FBXW8: variants seen among roughly 807,000 people sequenced by gnomAD.
FBXW8 encodes F-box and WD repeat domain containing 8.
FBXW8 carries 57 observed loss-of-function variants against 65.3 expected under a neutral mutation model. The ratio of observed to expected loss-of-function variants is 0.87; its 90% CI spans 0.71 to 1.09. The LOEUF (loss-of-function observed/expected upper bound fraction) is 1.09, where lower values mean the gene tolerates loss of function less well. FBXW8 is among the 50% of genes least tolerant of loss of function. The pLI is 0.00. For synonymous variants in FBXW8, 308 were observed against 330.2 expected (o/e 0.93, Z 0.73); for missense variants, 777 against 814.8 (o/e 0.95, Z 0.57).
intron 7 of FBXW8, among the ~76,000 whole-genome samples, chr12:116,997,417 G>A (rs1353445109): frequency 1.3e-5 from 2 of 152,220 alleles, no homozygotes; most frequent in African/African-American, 4.8e-5. Context: ...GTCACCACTG[G>A]AGACTGAGCA....
At chr12:117,013,695 A>G (rs1953878987) in intron 8 of FBXW8, among the ~76,000 whole-genome samples, 1 of 152,206 alleles carries the variant, frequency 6.6e-6, no homozygotes, top group African/African-American at 2.4e-5. Context: ...TTTAAAAGTT[A>G]CACAAAGTAA....
rs368889689 is a variant in FBXW8, at chr12:116,988,749, C to T, written c.1119C>T (p.Ala373=). The part of the protein sequence containing the change: ...AAGDLMYLLK[A]EDSARTLLYA... ...GAGATCTGATGTACCTGCTCAAAGC[C>T]GAAGACTCCGCCAGAACCCTCCTTT... Residue 373 remains alanine, a synonymous_variant, in exon 7 of 11, where the codon GCC becomes GCT. Coordinates refer to ENST00000652555, the MANE Select transcript of FBXW8 (RefSeq NM_153348.3). The T allele has an allele frequency of 5.0e-6, 8 of 1,614,022 alleles. No individual in the cohort carries two copies. The highest frequency in any genetic ancestry group is 1.6e-4 in the Middle Eastern group (1 of 6,084).
chr12:116,917,440 G>C (rs1880516691), intron 1 of FBXW8, among the ~76,000 whole-genome samples: 1 of 152,086 alleles, frequency 6.6e-6, no homozygotes, highest in Admixed American at 6.6e-5. Context: ...ATAAAATCTG[G>C]TACTACCTTC....
At chr12:116,994,288 G>C (rs1264366425) in intron 7 of FBXW8, among the ~76,000 whole-genome samples, 1 of 152,214 alleles carries the variant, frequency 6.6e-6, no homozygotes, top group African/African-American at 2.4e-5. Context: ...TAGATACGCA[G>C]ACCAATGGAA....
rs534547116 is a variant in FBXW8, at chr12:117,011,240, G to A, written c.1367+790G>A. ...CGCCCCCTCCCCTGGGCCCGGCCCC[G>A]GGCTGCAGGTGGCGGGCTGCTCGGA... On this transcript the variant is annotated intron_variant, in intron 8 of 10. Transcript: ENST00000652555. 9.4e-5 allele frequency among the ~76,000 whole-genome samples: 14 copies of A among 148,914 alleles called. No homozygotes were observed. In the South Asian group the frequency reaches 2.1e-3, roughly 23 times the overall value.
chr12:117,017,243 T>G (rs1459366187), intron 8 of FBXW8, among the ~76,000 whole-genome samples: 1 of 152,258 alleles, frequency 6.6e-6, no homozygotes, highest in Non-Finnish European at 1.5e-5. Flanking sequence ...GTCCACTGAA[T>G]GGACTTGTTA....
rs76986903 is a variant in FBXW8, at chr12:116,958,712, T to G, written c.678-5985T>G. Among the ~76,000 whole-genome samples the G allele has an allele frequency of 3.3e-5, 5 of 152,352 alleles. No homozygotes were observed. In the East Asian group the frequency reaches 9.6e-4, roughly 29 times the overall value. On this transcript the variant is annotated intron_variant, in intron 4 of 10. Coordinates refer to ENST00000652555, the MANE Select transcript of FBXW8 (RefSeq NM_153348.3). ...CAGGCTCAGCATCAGGCTAGCTTCC[T>G]GCTGGGAAATGACTTTCAACCTGAA...
At chr12:116,962,469 TC>T (rs1884045739) in intron 4 of FBXW8, among the ~76,000 whole-genome samples, 1 of 152,160 alleles carries the variant, frequency 6.6e-6, no homozygotes, top group Admixed American at 6.5e-5. Context: ...CACCCTCGCC[TC>T]CCCACTGTGT....
In FBXW8 at chr12:116,961,758, G is replaced by A. The variant is rs952848251; in HGVS notation, c.678-2939G>A. 2.1e-4 allele frequency among the ~76,000 whole-genome samples: 32 copies of A among 152,212 alleles called. No homozygotes were observed. The highest frequency in any genetic ancestry group is 6.5e-4 in the Admixed American group (10 of 15,282). Reference sequence around the variant, plus strand: ...CCATGACGGAGACGTCCAGGCTGCCGTGAAGGTAGATCGTAGTGCGGTGTA... The same window carrying A: ...CCATGACGGAGACGTCCAGGCTGCCATGAAGGTAGATCGTAGTGCGGTGTA... On this transcript the variant is annotated intron_variant, in intron 4 of 10. Coordinates refer to ENST00000652555, the MANE Select transcript of FBXW8 (RefSeq NM_153348.3). The surrounding 1 kb of genome is among the most constrained non-coding windows in gnomAD (Gnocchi z 4.4).
At chr12:116,972,100 T>G (rs949480930) in intron 5 of FBXW8, among the ~76,000 whole-genome samples, 2 of 152,250 alleles carry the variant, frequency 1.3e-5, no homozygotes, top group Non-Finnish European at 2.9e-5. Flanking sequence ...TGTTACTCTT[T>G]TGGTTTCTTG....
At chr12:116,921,573 A>G (rs1467583909) in intron 1 of FBXW8, among the ~76,000 whole-genome samples, 2 of 152,296 alleles carry the variant, frequency 1.3e-5, no homozygotes, top group Non-Finnish European at 1.5e-5. Context: ...CTTTGAGTGT[A>G]GACCATTTCT....
intron 7 of FBXW8, among the ~76,000 whole-genome samples, chr12:117,010,109 C>T (rs541456768): frequency 6.6e-6 from 1 of 152,282 alleles, no homozygotes; most frequent in South Asian, 2.1e-4. Flanking sequence ...CGCTGGATTT[C>T]CTTCTCTCTT....
chr12:116,977,653 T>C (rs1043060810), intron 5 of FBXW8: 3 of 152,198 alleles, frequency 2.0e-5, no homozygotes, highest in Non-Finnish European at 4.4e-5. Flanking sequence ...GTCTATATCA[T>C]GTGTATATCG....
At chr12:117,022,495 TA>T (rs915944047) in intron 8 of FBXW8, among the ~76,000 whole-genome samples, 5 of 147,068 alleles carry the variant, frequency 3.4e-5, no homozygotes, top group Non-Finnish European at 4.5e-5. Context: ...CTACTGAAAA[TA>T]AAAAAAAAAT....
At chr12:117,008,762 T>C (rs1953735939) in intron 7 of FBXW8, among the ~76,000 whole-genome samples, 1 of 152,236 alleles carries the variant, frequency 6.6e-6, no homozygotes, top group African/African-American at 2.4e-5. Context: ...CACTCTCATG[T>C]GTGTGCTGAG....
chr12:116,969,170 C>A (rs1182792446), intron 5 of FBXW8, among the ~76,000 whole-genome samples: 2 of 152,164 alleles, frequency 1.3e-5, no homozygotes, highest in Non-Finnish European at 2.9e-5. Flanking sequence ...TACTCAACGC[C>A]TGGGTAAAAT....
rs575242006 is a variant in FBXW8 at position 116,934,309 on chromosome 12, T to A, written c.423+6182T>A. Among the ~76,000 whole-genome samples, 7 of 152,350 alleles carry A rather than the reference T, an allele frequency of 4.6e-5. No individual in the cohort carries two copies. In the East Asian group the frequency reaches 1.4e-3, roughly 29 times the overall value. ...TTCAATAGTTGTCCCTCGAGGGACT[T>A]AATCTCTCTGTGGGAGTGTTTCTTG... On this transcript the variant is annotated intron_variant, in intron 2 of 10. Coordinates refer to ENST00000652555, the MANE Select transcript of FBXW8 (RefSeq NM_153348.3).
At chr12:116,992,697 C>G (rs1412664321) in intron 7 of FBXW8, among the ~76,000 whole-genome samples, 3 of 151,918 alleles carry the variant, frequency 2.0e-5, no homozygotes, top group Non-Finnish European at 2.9e-5. Flanking sequence ...ATAATGGCCT[C>G]CAGTTCCACC....
At chr12:116,914,806 C>T (rs1052254360) in intron 1 of FBXW8, among the ~76,000 whole-genome samples, 2 of 152,096 alleles carry the variant, frequency 1.3e-5, no homozygotes, top group Non-Finnish European at 2.9e-5. Context: ...ACCCAGGAGG[C>T]GGAGGTTGTG....
Sources: gnomAD v4.1 joint callset for allele counts (sites outside exome capture counted in the v4.1 genomes callset) on GRCh38, gnomAD v4.1.1 for gene constraint, Gnocchi (gnomAD v3.1) non-coding constraint, MANE v1.5 for transcripts, NCBI Gene and HGNC (gene_info 2026-07-23, HGNC 2026-07-21) for gene names.